Variants in NUP58 observed in about 807,000 individuals in gnomAD.
NUP58 encodes the protein nucleoporin 58, also known as nucleoporin p58/p45.
NUP58 carries 17 observed loss-of-function variants against 70.1 expected under a neutral mutation model. The ratio of observed to expected loss-of-function variants is 0.24; its 90% confidence interval spans 0.17 to 0.36. NUP58 has a LOEUF of 0.36. Among genes scored for constraint, NUP58 ranks in the 10% least tolerant of loss-of-function variants. The pLI is 1.00. For missense variants in NUP58, 644 were observed against 701.5 expected, an observed-to-expected ratio of 0.92 and a Z score of 0.93; for synonymous variants, 275 against 257.6, an observed-to-expected ratio of 1.07 and a Z score of -0.65.
intron 13 of NUP58, chr13:25,334,869 C>T (rs2031727329): frequency 2.4e-5 from 24 of 984,230 alleles, no homozygotes; most frequent in Non-Finnish European, 2.9e-5. Context: ...TCACTTTGGC[C>T]AGTCATTGGT....
At chr13:25,317,862 T>TG (rs1408910407) in intron 6 of NUP58, 1 of 147,666 alleles carries the variant, frequency 6.8e-6, no homozygotes, top group East Asian at 2.0e-4. Flanking sequence ...TGCTTGATTT[T>TG]TTTTTTTTTT....
intron 2 of NUP58, among the ~76,000 whole-genome samples, chr13:25,309,006 G>C (rs973860456): frequency 1.3e-5 from 2 of 151,960 alleles, no homozygotes; most frequent in African/African-American, 4.8e-5. Flanking sequence ...TTTGTTATAA[G>C]CAATAGTTAT....
At position 25,332,631 on chromosome 13, in the gene NUP58, T is replaced by C. The variant is rs186316755; in HGVS notation, c.1435+1073T>C. 26 of 985,456 alleles carry C rather than the reference T, an allele frequency of 2.6e-5. No individual in the cohort carries two copies. The African/African-American group carries it at 3.5e-4, about 13-fold the overall frequency. The allele number at this position is 985,456 out of a possible 1,614,324, so 61.0% of individuals were successfully genotyped here. A position where few individuals can be genotyped will look rare whatever the true frequency, so the allele number is the denominator to read the frequency against. Reference sequence around the variant, plus strand: ...CTATTGGCAGTTTAAAAAATTGTTCTTCACATTTGGAGATGACAGAATTGA... The same window carrying C: ...CTATTGGCAGTTTAAAAAATTGTTCCTCACATTTGGAGATGACAGAATTGA... On this transcript the variant is annotated intron_variant, in intron 13 of 15. Coordinates refer to ENST00000381736, the MANE Select transcript of NUP58 (RefSeq NM_014089.4).
At position 25,342,025 on chromosome 13, in the gene NUP58, T is replaced by G. The variant is rs956443964; in HGVS notation, c.*1891T>G. 1.2e-4 allele frequency: 18 copies of G among 152,184 alleles called. No homozygotes were observed. The highest frequency in any genetic ancestry group is 3.2e-3 in the Middle Eastern group (1 of 316). The allele number at this position is 152,184 out of a possible 1,614,324, so 9.4% of individuals were successfully genotyped here. ...TGGTTGGCTTTTTTGAATTGAAATTTTTGCGCATTGATGCATTGAAATAAG... is the reference window on the plus strand; with the variant it reads ...TGGTTGGCTTTTTTGAATTGAAATTGTTGCGCATTGATGCATTGAAATAAG... On this transcript the variant is annotated 3_prime_UTR_variant, in exon 16 of 16. Transcript: ENST00000381736.
Position 25,336,964 on chromosome 13 carries a change from T to G in NUP58, c.1464T>G (p.Phe488Leu). Reference protein sequence around the residue: ...TGPQPSLGVSFGTPFGSGIGT... With the variant: ...TGPQPSLGVSLGTPFGSGIGT... ...CACAGCCATCTCTGGGAGTTAGTTT[T>G]GGAACGCCATTCGGCTCAGGTATTG... Residue 488 changes from phenylalanine (F) to leucine (L), a missense_variant, in exon 14 of 16, where the codon TTT becomes TTG. By Grantham distance (22) the Phe-to-Leu change is conservative (BLOSUM62 0). This residue lies in a region of NUP58 where 132 missense variants were observed against 203.9 expected (regional missense o/e 0.65). Coordinates refer to ENST00000381736, the MANE Select transcript of NUP58 (RefSeq NM_014089.4). 2 of 1,607,238 alleles carry G rather than the reference T, an allele frequency of 1.2e-6. No homozygotes were observed. Among genetic ancestry groups the G allele is most frequent in the Non-Finnish European group, 1.7e-6 (2 of 1,177,720 alleles).
At chr13:25,329,087 T>C (rs1261172984) in intron 12 of NUP58, among the ~76,000 whole-genome samples, 2 of 152,188 alleles carry the variant, frequency 1.3e-5, no homozygotes, top group South Asian at 4.1e-4. Flanking sequence ...TTATCAGATT[T>C]AAAAAAATTC....
chr13:25,339,163 T>C (rs1406858460), intron 15 of NUP58, among the ~76,000 whole-genome samples: 1 of 152,222 alleles, frequency 6.6e-6, no homozygotes, highest in African/African-American at 2.4e-5. Context: ...ATTATTAATT[T>C]AGTTTCTTGT....
chr13:25,349,180 G>A (rs1480086271), intron 3 of NUP58, among the ~76,000 whole-genome samples: 1 of 152,126 alleles, frequency 6.6e-6, no homozygotes, highest in Non-Finnish European at 1.5e-5. Flanking sequence ...ATAATCCCAG[G>A]ACAGGAGCCC....
In NUP58 at chr13:25,320,510, A is replaced by G. The variant is rs758980346; in HGVS notation, c.711-20A>G. The G allele has an allele frequency of 4.5e-6, 7 of 1,563,716 alleles. No individual in the cohort carries two copies. The highest frequency in any genetic ancestry group is 1.4e-5 in the African/African-American group (1 of 73,740). On this transcript the variant is annotated intron_variant, in intron 7 of 15. Coordinates refer to ENST00000381736, the MANE Select transcript of NUP58 (RefSeq NM_014089.4). ...TTTAAAATCTCAATGACCTTAATAC[A>G]TGTTTTGCATTTTTCTTAGGGATAG... is the stretch of plus-strand genomic sequence containing the variant.
At chr13:25,338,521 A>G (rs2031859195) in intron 14 of NUP58, 115 bp from the exon 15 acceptor site, 1 of 656,290 alleles carries the variant, frequency 1.5e-6, no homozygotes, top group Admixed American at 2.6e-5. Flanking sequence ...TAATAAGGCC[A>G]TGTTTTTCAG....
chr13:25,313,155 A>G, intron 4 of NUP58, 123 bp downstream of exon 4: 1 of 1,154,508 alleles, frequency 8.7e-7, no homozygotes, highest in Non-Finnish European at 1.2e-6. Context: ...TTCAGCTTTG[A>G]GCATTGAAGC....
intron 5 of NUP58, among the ~76,000 whole-genome samples, chr13:25,315,006 C>A (rs1428212660): frequency 6.6e-6 from 1 of 152,018 alleles, no homozygotes; most frequent in African/African-American, 2.4e-5. Context: ...AAGATGTATT[C>A]ACCTGAAAAT....
chr13:25,303,370 C>T (rs1437849309), intron 1 of NUP58, among the ~76,000 whole-genome samples: 2 of 151,686 alleles, frequency 1.3e-5, no homozygotes, highest in Non-Finnish European at 2.9e-5. Flanking sequence ...ACAACTACCA[C>T]CCTAAATAAC....
chr13:25,313,889 G>T, intron 5 of NUP58, 138 bp downstream of exon 5: 8 of 591,006 alleles, frequency 1.4e-5, no homozygotes, highest in Non-Finnish European at 1.4e-5. Context: ...ATAAAATGAT[G>T]GTTTTCATAC....
chr13:25,325,615 C>T (rs1176802240), intron 10 of NUP58, among the ~76,000 whole-genome samples: 6 of 152,120 alleles, frequency 3.9e-5, no homozygotes, highest in Admixed American at 3.9e-4. Flanking sequence ...ACATGCTTTA[C>T]CTTCATATTT....
Position 25,338,661 on chromosome 13 carries a change from A to G in NUP58, c.1560A>G (p.Gly520=), listed in dbSNP as rs558296710. The change falls in exon 15 of 16, where the codon GGA becomes GGG. Residue 520 remains glycine, a synonymous_variant. Transcript: ENST00000381736. ...GATTTGGAACTAGCTCTGGTTTTGG[A>G]TGCAGCACCACAGGGGCCTCCACAT... ...LGGFGTSSGF[G]CSTTGASTFG... 1 of 1,613,718 alleles carries G rather than the reference A, an allele frequency of 6.2e-7. No homozygotes were observed. Among genetic ancestry groups the G allele is most frequent in the Non-Finnish European group, 8.5e-7 (1 of 1,179,758 alleles).
chr13:25,339,908 T>C, intron 15 of NUP58, 57 bp from the exon 16 acceptor site: 1 of 1,439,804 alleles, frequency 6.9e-7, no homozygotes, highest in Non-Finnish European at 9.4e-7. Context: ...TCCCTGTTTT[T>C]ATATTTGTTT....
chr13:25,311,664 G>T (rs369298738), intron 3 of NUP58, among the ~76,000 whole-genome samples: 80 of 146,370 alleles, frequency 5.5e-4, no homozygotes, highest in South Asian at 2.9e-3. Flanking sequence ...CGTGAGCCAC[G>T]GCACCTGTCT....
chr13:25,321,565 A>G (rs9507500), intron 9 of NUP58, among the ~76,000 whole-genome samples: 20,446 of 152,224 alleles, frequency 0.13, 1,879 homozygotes, highest in South Asian at 0.33. Context: ...AATAAAAATT[A>G]TATCATGCTG....
Sources: allele counts gnomAD v4.1 joint callset (sites outside exome capture counted in the v4.1 genomes callset), GRCh38; gene constraint gnomAD v4.1.1; regional missense constraint gnomAD v4.1.1; transcripts MANE v1.5; gene names NCBI Gene and HGNC (gene_info 2026-07-23, HGNC 2026-07-21).